ANKRD44: variants seen among roughly 807,000 people sequenced by gnomAD.
ANKRD44 encodes ankyrin repeat domain 44, also known as serine/threonine-protein phosphatase 6 regulatory ankyrin repeat subunit B.
ANKRD44 carries 35 observed loss-of-function variants against 116.0 expected under a neutral mutation model. The ratio of observed to expected loss-of-function variants is 0.30; its 90% confidence interval spans 0.23 to 0.40. The LOEUF is 0.40. Ranked by LOEUF, ANKRD44 falls within the 10% of genes least tolerant of loss-of-function variation. ANKRD44 has a pLI of 1.00. For missense variants in ANKRD44, 1,014 were observed against 1,242.6 expected, an observed-to-expected ratio of 0.82 and a Z score of 2.77; for synonymous variants, 435 against 461.8, an observed-to-expected ratio of 0.94 and a Z score of 0.74.
intron 1 of ANKRD44, among the ~76,000 whole-genome samples, chr2:197,296,916 G>A (rs2083740378): frequency 6.6e-6 from 1 of 152,158 alleles, no homozygotes. Flanking sequence ...TTCGAGACTT[G>A]AAATTTTACA....
rs2075861337 is a variant in ANKRD44, at chr2:196,988,213, C to T, written c.*1378G>A. On this transcript the variant is annotated 3_prime_UTR_variant, in exon 28 of 28. Transcript: ENST00000282272. ...TGCCATTAAAGCAAGCATTTCATTT[C>T]CTGCTTGAAATGCCAACTGAGCAAG... is the stretch of plus-strand genomic sequence containing the variant. The T allele has an allele frequency of 1.0e-6, 1 of 985,256 alleles. No homozygotes were observed. Among genetic ancestry groups the T allele is most frequent in the Non-Finnish European group, 1.2e-6 (1 of 829,928 alleles). The allele number at this position is 985,256 out of a possible 1,614,324, so 61.0% of individuals were successfully genotyped here. A position where few individuals can be genotyped will look rare whatever the true frequency, so the allele number is the denominator to read the frequency against.
intron 17 of ANKRD44, chr2:197,015,717 T>G: frequency 3.7e-6 from 2 of 534,312 alleles, no homozygotes; most frequent in Non-Finnish European, 6.9e-6. Context: ...GCACCTATGA[T>G]GGTGGTCCTG....
At chr2:197,222,397 A>AT (rs1231188861) in intron 1 of ANKRD44, among the ~76,000 whole-genome samples, 1 of 152,138 alleles carries the variant, frequency 6.6e-6, no homozygotes, top group African/African-American at 2.4e-5. Context: ...AAGATCAAAA[A>AT]CTTCAAAGAA....
At chr2:196,979,022 A>G (rs992456794) in intron 21 of ANKRD44, among the ~76,000 whole-genome samples, 1 of 152,110 alleles carries the variant, frequency 6.6e-6, no homozygotes, top group African/African-American at 2.4e-5. Flanking sequence ...CTAGATTTGA[A>G]TCCTAGATCT....
chr2:197,280,304 C>T (rs927565528), intron 1 of ANKRD44, among the ~76,000 whole-genome samples: 1 of 152,174 alleles, frequency 6.6e-6, no homozygotes, highest in East Asian at 1.9e-4. Flanking sequence ...GCAACACCTA[C>T]CAGAAACAAC....
chr2:197,241,931 A>C (rs13389576), intron 1 of ANKRD44, among the ~76,000 whole-genome samples: 1 of 152,032 alleles, frequency 6.6e-6, no homozygotes, highest in Non-Finnish European at 1.5e-5. Flanking sequence ...TTAAAAATAC[A>C]TATTACTGTG....
At chr2:197,001,916 T>C in intron 21 of ANKRD44, 76 bp from the exon 22 acceptor site, 1 of 1,093,452 alleles carries the variant, frequency 9.1e-7, no homozygotes, top group Non-Finnish European at 1.4e-6. Context: ...TTTCATTAAG[T>C]ATTGAGTTTT....
At chr2:197,309,988 G>A (rs1415283281) in intron 1 of ANKRD44, among the ~76,000 whole-genome samples, 1 of 152,170 alleles carries the variant, frequency 6.6e-6, no homozygotes, top group African/African-American at 2.4e-5. Flanking sequence ...CTCCTCCTCA[G>A]AGGGACCGGC....
chr2:197,148,230 C>T (rs1336300935), intron 2 of ANKRD44, among the ~76,000 whole-genome samples: 1 of 152,202 alleles, frequency 6.6e-6, no homozygotes, highest in Non-Finnish European at 1.5e-5. Context: ...TGTGTGATAT[C>T]TTTCCTCCAA....
At chr2:197,153,239 A>G (rs1040609406) in intron 2 of ANKRD44, among the ~76,000 whole-genome samples, 33 of 125,876 alleles carry the variant, frequency 2.6e-4, no homozygotes, top group Non-Finnish European at 3.7e-4. Context: ...AAAAAAAAAA[A>G]AAAAAAAAGA....
intron 1 of ANKRD44, among the ~76,000 whole-genome samples, chr2:197,282,178 G>GAACCT: frequency 6.6e-6 from 1 of 152,268 alleles, no homozygotes; most frequent in East Asian, 1.9e-4. Flanking sequence ...GCGTGAACCT[G>GAACCT]GGAGGCAGAG....
intron 8 of ANKRD44, among the ~76,000 whole-genome samples, chr2:197,115,105 C>T (rs529527442): frequency 3.7e-4 from 56 of 152,292 alleles, no homozygotes; most frequent in African/African-American, 1.2e-3. Context: ...TGTTTCAACT[C>T]CCATCTCTTA....
chr2:196,979,556 T>C (rs2075785755), intron 21 of ANKRD44, among the ~76,000 whole-genome samples: 1 of 15,326 alleles, frequency 6.5e-5, no homozygotes, highest in Non-Finnish European at 3.1e-4. Flanking sequence ...TAAGATGACT[T>C]TTTTTTTTTT....
At chr2:197,241,738 T>C (rs2082093891) in intron 1 of ANKRD44, among the ~76,000 whole-genome samples, 1 of 152,160 alleles carries the variant, frequency 6.6e-6, no homozygotes, top group Non-Finnish European at 1.5e-5. Context: ...ATTTATTATA[T>C]GCCTCCATTG....
intron 1 of ANKRD44, among the ~76,000 whole-genome samples, chr2:197,298,047 G>A (rs2083776132): frequency 6.6e-6 from 1 of 152,156 alleles, no homozygotes; most frequent in Non-Finnish European, 1.5e-5. Context: ...TTTTACACTT[G>A]TAGAAATAAA....
intron 16 of ANKRD44, among the ~76,000 whole-genome samples, chr2:197,027,471 C>T (rs547580693): frequency 3.3e-5 from 5 of 152,152 alleles, no homozygotes; most frequent in East Asian, 1.9e-4. Context: ...AAAGAAGAGA[C>T]GGGGTCCCAG....
At chr2:197,113,445 T>C (rs1216738974) in intron 8 of ANKRD44, among the ~76,000 whole-genome samples, 2 of 152,240 alleles carry the variant, frequency 1.3e-5, no homozygotes, top group Non-Finnish European at 2.9e-5. Context: ...GTGTTTTCTC[T>C]TAATATGAAA....
At position 197,151,473 on chromosome 2, in the gene ANKRD44, A is replaced by T. The variant is rs1033599719; in HGVS notation, c.112-4368T>A. Among the ~76,000 whole-genome samples the T allele has an allele frequency of 2.0e-5, 3 of 152,264 alleles. No homozygotes were observed. The East Asian group carries it at 5.8e-4, about 29-fold the overall frequency. ...ACAAACAAAATTTGGAGGAAGAGATAATGAAGCAAGTATTATGGAAAGCAG... is the reference window on the plus strand; with the variant it reads ...ACAAACAAAATTTGGAGGAAGAGATTATGAAGCAAGTATTATGGAAAGCAG... On this transcript the variant is annotated intron_variant, in intron 2 of 27. Coordinates refer to ENST00000282272, the MANE Select transcript of ANKRD44 (RefSeq NM_001195144.2).
intron 2 of ANKRD44, among the ~76,000 whole-genome samples, chr2:197,181,734 A>G (rs910550239): frequency 4.6e-5 from 7 of 152,190 alleles, no homozygotes; most frequent in Non-Finnish European, 8.8e-5. Flanking sequence ...CTTCTTGCCA[A>G]TTCGACTCAT....
Sources: allele counts gnomAD v4.1 joint callset (sites outside exome capture counted in the v4.1 genomes callset), GRCh38; gene constraint gnomAD v4.1.1; transcripts MANE v1.5; gene names NCBI Gene and HGNC (gene_info 2026-07-23, HGNC 2026-07-21).